Variants in TLE4 observed in about 807,000 individuals in gnomAD.
TLE4 encodes TLE family member 4, transcriptional corepressor, also known as transducin-like enhancer protein 4.
TLE4 carries 8 observed loss-of-function variants against 92.8 expected under a neutral mutation model. That is an observed-to-expected ratio of 0.09 (90% CI 0.05 to 0.16). The LOEUF (loss-of-function observed/expected upper bound fraction) is 0.16. Among genes scored for constraint, TLE4 ranks in the 10% least tolerant of loss-of-function variants. The pLI is 1.00. For synonymous variants in TLE4, 371 were observed against 374.1 expected (o/e 0.99, Z 0.10); for missense variants, 675 against 997.6 (o/e 0.68, Z 4.36).
chr9:79,649,030 G>A (rs2058519327), intron 6 of TLE4, among the ~76,000 whole-genome samples: 1 of 152,176 alleles, frequency 6.6e-6, no homozygotes, highest in Non-Finnish European at 1.5e-5. Flanking sequence ...TGTTCTTGAA[G>A]CAGGTGGAGG....
intron 4 of TLE4, among the ~76,000 whole-genome samples, chr9:79,588,710 A>G (rs1243025829): frequency 2.6e-5 from 4 of 152,176 alleles, no homozygotes; most frequent in Non-Finnish European, 5.9e-5. Context: ...CTTCTTTTAT[A>G]ACCACGTGTC....
At chr9:79,703,689 G>A (rs1203090373) in intron 8 of TLE4, among the ~76,000 whole-genome samples, 1 of 152,172 alleles carries the variant, frequency 6.6e-6, no homozygotes, top group African/African-American at 2.4e-5. Context: ...GAGGCATGGA[G>A]CATCTTTCTC....
chr9:79,719,202 T>A (rs1048536700), intron 15 of TLE4, among the ~76,000 whole-genome samples: 10 of 152,034 alleles, frequency 6.6e-5, no homozygotes, highest in African/African-American at 2.2e-4. Flanking sequence ...TAACTCTGCC[T>A]CCCATGGGAA....
In TLE4 at chr9:79,612,901, A is replaced by C. The variant is rs573312597; in HGVS notation, c.315+183A>C. Among the ~76,000 whole-genome samples the C allele has an allele frequency of 2.0e-5, 3 of 152,284 alleles. No individual in the cohort carries two copies. In the South Asian group the frequency reaches 6.2e-4, roughly 32 times the overall value. Reference sequence around the variant, plus strand: ...CCTTAGTAACTTTCTGTGGGATATAATTTATATGTGTTTACATAATGGAAT... The same window carrying C: ...CCTTAGTAACTTTCTGTGGGATATACTTTATATGTGTTTACATAATGGAAT... On this transcript the variant is annotated intron_variant, in intron 5 of 19. Coordinates refer to ENST00000376552, the MANE Select transcript of TLE4 (RefSeq NM_007005.6).
chr9:79,597,422 G>A (rs1176346302), intron 4 of TLE4, among the ~76,000 whole-genome samples: 2 of 152,022 alleles, frequency 1.3e-5, no homozygotes, highest in African/African-American at 2.4e-5. Context: ...TGCTTACTTT[G>A]CCCTTTTATT....
chr9:79,600,897 C>T (rs1436379804), intron 4 of TLE4, among the ~76,000 whole-genome samples: 2 of 152,114 alleles, frequency 1.3e-5, no homozygotes, highest in Non-Finnish European at 2.9e-5. Flanking sequence ...GTGATGCCGT[C>T]GCATGAGTAG....
chr9:79,696,249 ACT>A (rs1443155381), intron 8 of TLE4, among the ~76,000 whole-genome samples: 1 of 152,246 alleles, frequency 6.6e-6, no homozygotes, highest in East Asian at 1.9e-4. Flanking sequence ...AGTTAATTTT[ACT>A]GTTATACATT....
chr9:79,580,132 A>G (rs2039216106), intron 4 of TLE4: 1 of 152,202 alleles, frequency 6.6e-6, no homozygotes, highest in African/African-American at 2.4e-5. Context: ...ATAAAGCAAA[A>G]CTGCCGAAGC....
intron 4 of TLE4, among the ~76,000 whole-genome samples, chr9:79,590,298 A>T (rs2042227309): frequency 6.6e-6 from 1 of 152,144 alleles, no homozygotes; most frequent in African/African-American, 2.4e-5. Context: ...TAATGAAGAA[A>T]TTGTGTCCCC....
chr9:79,630,479 A>G (rs2053874603), intron 6 of TLE4, among the ~76,000 whole-genome samples: 2 of 152,146 alleles, frequency 1.3e-5, no homozygotes, highest in Admixed American at 1.3e-4. Context: ...CATCGTTGAT[A>G]TTTTGTGTTT....
intron 8 of TLE4, among the ~76,000 whole-genome samples, chr9:79,687,660 C>T (rs2066173963): frequency 1.3e-5 from 2 of 152,128 alleles, no homozygotes; most frequent in African/African-American, 4.8e-5. Flanking sequence ...CTCTTCCTTG[C>T]CCTCTTTTCT....
chr9:79,654,257 C>G (rs1587864399), intron 8 of TLE4, among the ~76,000 whole-genome samples, 182 bp downstream of exon 8: 1 of 147,582 alleles, frequency 6.8e-6, no homozygotes, highest in Admixed American at 6.7e-5. Flanking sequence ...TTAAAGGTCC[C>G]ATTTCTCTAT....
chr9:79,573,893 G>T (rs1428919072), intron 2 of TLE4, 107 bp downstream of exon 2: 5 of 754,422 alleles, frequency 6.6e-6, no homozygotes, highest in Admixed American at 3.7e-5. Context: ...GCGTCACAAA[G>T]GTATTATTTT....
chr9:79,573,586 G>T (rs1012911818), intron 1 of TLE4, 103 bp from the exon 2 acceptor site: 48 of 958,386 alleles, frequency 5.0e-5, no homozygotes, highest in Middle Eastern at 2.3e-4. Flanking sequence ...GCTTGCGTGC[G>T]CGATGACCCT....
At chr9:79,709,808 G>C in intron 14 of TLE4, 109 bp downstream of exon 14, 1 of 809,914 alleles carries the variant, frequency 1.2e-6, no homozygotes, top group Non-Finnish European at 1.9e-6. Flanking sequence ...CCCATGACTT[G>C]TATTTTTTTA....
At chr9:79,584,648 T>C (rs1365857909) in intron 4 of TLE4, among the ~76,000 whole-genome samples, 5 of 152,308 alleles carry the variant, frequency 3.3e-5, no homozygotes, top group Middle Eastern at 3.4e-3. Flanking sequence ...CAGTTAGAGC[T>C]AGCCAAGAAT....
chr9:79,654,199 ATTTTTAAAATTACTT>A, intron 8 of TLE4, 124 bp downstream of exon 8: 1 of 928,682 alleles, frequency 1.1e-6, no homozygotes, highest in Non-Finnish European at 1.6e-6. Context: ...GGTTAACTGC[ATTTTTAAAATTACTT>A]TCAGGTGTGT....
chr9:79,603,650 A>G (rs1587955774), intron 4 of TLE4, among the ~76,000 whole-genome samples: 1 of 152,180 alleles, frequency 6.6e-6, no homozygotes, highest in East Asian at 1.9e-4. Context: ...TTATTGTAGC[A>G]TTCACTTTAT....
intron 8 of TLE4, among the ~76,000 whole-genome samples, chr9:79,680,382 G>A (rs965173077): frequency 3.3e-5 from 5 of 152,190 alleles, no homozygotes; most frequent in South Asian, 2.1e-4. Flanking sequence ...TGAAGCAATT[G>A]TAATTTGAAG....
Sources: allele counts gnomAD v4.1 joint callset (sites outside exome capture counted in the v4.1 genomes callset), GRCh38; gene constraint gnomAD v4.1.1; transcripts MANE v1.5; gene names NCBI Gene and HGNC (gene_info 2026-07-23, HGNC 2026-07-21).